HAVCR1: variants seen among roughly 807,000 people sequenced by gnomAD.
HAVCR1 encodes T cell immunoglobin domain and mucin domain protein 1.
Under a neutral mutation model 32.0 loss-of-function variants are expected in HAVCR1, and 34 were observed. That is an observed-to-expected ratio of 1.06 (90% CI 0.81 to 1.42). HAVCR1 has a LOEUF of 1.42. HAVCR1 is among the 40% of genes most tolerant of loss of function. The probability of loss-of-function intolerance (pLI) is 0.00; values close to 1 mark genes in which losing one functional copy is unlikely to be tolerated. For missense variants in HAVCR1, 420 were observed against 442.3 expected, an observed-to-expected ratio of 0.95 and a Z score of 0.45; for synonymous variants, 178 against 170.3, an observed-to-expected ratio of 1.05 and a Z score of -0.35.
At chr5:157,044,615 G>GAGAAAGAAAGAAAGAAAGAA (rs1554090477) in intron 5 of HAVCR1, among the ~76,000 whole-genome samples, 1 of 52,728 alleles carries the variant, frequency 1.9e-5, no homozygotes, top group African/African-American at 6.5e-5. Flanking sequence ...AAGAAAGAAA[G>GAGAAAGAAAGAAAGAAAGAA]AGAAAGAAAG....
chr5:157,063,498 T>A (rs1756535954), upstream of HAVCR1, among the ~76,000 whole-genome samples: 1 of 152,158 alleles, frequency 6.6e-6, no homozygotes, highest in African/African-American at 2.4e-5. Context: ...TTGGTTAGGC[T>A]GGTCACGAAC....
At chr5:157,064,351 A>G in the HAVCR1 span, among the ~76,000 whole-genome samples, 1 of 137,156 alleles carries the variant, frequency 7.3e-6, no homozygotes, top group Non-Finnish European at 1.6e-5. Flanking sequence ...AAAAAAAAAA[A>G]AAAAGAAAGA....
At chr5:157,057,414 A>G (rs1192606932) in intron 2 of HAVCR1, among the ~76,000 whole-genome samples, 1 of 135,276 alleles carries the variant, frequency 7.4e-6, no homozygotes. Flanking sequence ...AAAGAAAGAA[A>G]GAAAGAAAGA....
rs141773914 is a variant in HAVCR1, at chr5:157,055,435, T to G, written c.145A>C (p.Arg49=). 4.4e-3 allele frequency: 7,014 copies of G among 1,612,194 alleles called. 24 individuals are homozygous for G. The highest frequency in any genetic ancestry group is 5.2e-3 in the Non-Finnish European group (6,080 of 1,178,192). ...SGAVTSMCWN[R]GSCSLFTCQN... ...CATGTGAATAGAGAACATGAGCCTC[T>G]ATTCCAGCACATGGATGTGACAGCT... The change falls in exon 3 of 9, where the codon AGA becomes CGA. Residue 49 remains arginine (R), a synonymous_variant. Transcript: ENST00000523175.
At chr5:157,052,684 C>G in intron 3 of HAVCR1, 30 bp from the exon 4 acceptor site, 1 of 1,592,102 alleles carries the variant, frequency 6.3e-7, no homozygotes, top group South Asian at 1.1e-5. Context: ...TGAGAGTGAG[C>G]ATAAGTCAAA....
At chr5:157,056,583 T>C (rs951428415) in intron 2 of HAVCR1, among the ~76,000 whole-genome samples, 7 of 151,556 alleles carry the variant, frequency 4.6e-5, no homozygotes, top group Admixed American at 3.3e-4. Flanking sequence ...GGTTTCACCA[T>C]GTTAGCCAGG....
At chr5:157,064,400 T>C in the HAVCR1 span, among the ~76,000 whole-genome samples, 1 of 151,168 alleles carries the variant, frequency 6.6e-6, no homozygotes, top group East Asian at 2.0e-4. Context: ...ATGCAACTTG[T>C]AGTCCCAGCT....
chr5:157,035,448 AAC>A (rs144820972), intron 7 of HAVCR1, among the ~76,000 whole-genome samples: 3 of 151,686 alleles, frequency 2.0e-5, no homozygotes, highest in Admixed American at 6.6e-5. Context: ...TACTGAGACA[AAC>A]ACACACACAC....
chr5:157,057,795 C>T (rs1756304177), intron 2 of HAVCR1, 103 bp downstream of exon 2: 1 of 830,314 alleles, frequency 1.2e-6, no homozygotes. Context: ...AGAACATCTA[C>T]ATTAATCCAC....
chr5:157,049,701 C>T (rs1755628581), intron 4 of HAVCR1, among the ~76,000 whole-genome samples: 1 of 152,156 alleles, frequency 6.6e-6, no homozygotes, highest in Non-Finnish European at 1.5e-5. Context: ...TCCTTGAGGT[C>T]TCTTAAAGCT....
chr5:157,055,368 T>C lies in HAVCR1; in HGVS notation c.212A>G (p.Tyr71Cys). 1 of 1,613,954 alleles carries C rather than the reference T, an allele frequency of 6.2e-7. No individual in the cohort carries two copies. Among genetic ancestry groups the C allele is most frequent in the Non-Finnish European group, 8.5e-7 (1 of 1,179,824 alleles). The change falls in exon 3 of 9, where the codon TAT becomes TGT. Residue 71 changes from tyrosine to cysteine, a missense_variant. Coordinates refer to ENST00000523175, the MANE Select transcript of HAVCR1 (RefSeq NM_001173393.3). ...TAGCTTATAGCGTGTGTCCTTCCGATAGGTGACGTGGGTTCCATTGGTCCA... is the reference window on the plus strand; with the variant it reads ...TAGCTTATAGCGTGTGTCCTTCCGACAGGTGACGTGGGTTCCATTGGTCCA... ...IVWTNGTHVT[Y>C]RKDTRYKLLG...
upstream of HAVCR1, among the ~76,000 whole-genome samples, chr5:157,063,584 T>C (rs1483445952): frequency 6.6e-6 from 1 of 152,200 alleles, no homozygotes; most frequent in African/African-American, 2.4e-5. Flanking sequence ...ACTCCTGGCC[T>C]CATGTAACTA....
At chr5:157,054,585 A>G (rs1189505067) in intron 3 of HAVCR1, among the ~76,000 whole-genome samples, 2 of 152,228 alleles carry the variant, frequency 1.3e-5, no homozygotes, top group African/African-American at 4.8e-5. Flanking sequence ...ACTGTATTTT[A>G]CTATGGAACA....
intron 5 of HAVCR1, among the ~76,000 whole-genome samples, chr5:157,044,461 A>G (rs1221202283): frequency 6.5e-5 from 5 of 77,084 alleles, no homozygotes; most frequent in African/African-American, 2.9e-4. Flanking sequence ...GAAAGAAAGA[A>G]AGAAAGAAAG....
chr5:157,053,112 C>A (rs1022006743), intron 3 of HAVCR1, among the ~76,000 whole-genome samples: 1 of 152,064 alleles, frequency 6.6e-6, no homozygotes, highest in East Asian at 1.9e-4. Flanking sequence ...AGAGACTGGG[C>A]GTGGTGGCTC....
intron 6 of HAVCR1, among the ~76,000 whole-genome samples, chr5:157,042,424 A>G (rs1239277425): frequency 3.5e-5 from 5 of 143,814 alleles, no homozygotes; most frequent in African/African-American, 1.3e-4. Context: ...CCTGGGCAAC[A>G]GAGCAAGACT....
At chr5:157,035,173 A>C (rs1754452704) in intron 7 of HAVCR1, among the ~76,000 whole-genome samples, 2 of 152,164 alleles carry the variant, frequency 1.3e-5, no homozygotes, top group South Asian at 4.1e-4. Flanking sequence ...ATCTCCTAAT[A>C]ATCTATTTTT....
At chr5:157,051,732 C>T (rs533264991) in intron 4 of HAVCR1, among the ~76,000 whole-genome samples, 2 of 152,226 alleles carry the variant, frequency 1.3e-5, no homozygotes, top group South Asian at 4.2e-4. Flanking sequence ...TGGTTTTGAA[C>T]TCCTCGGCTA....
intron 6 of HAVCR1, among the ~76,000 whole-genome samples, chr5:157,041,444 G>T (rs1226114595): frequency 6.6e-6 from 1 of 151,946 alleles, no homozygotes; most frequent in Non-Finnish European, 1.5e-5. Context: ...GTTGCAGTGA[G>T]CTGGGATCCC....
Sources: allele counts gnomAD v4.1 joint callset (sites outside exome capture counted in the v4.1 genomes callset), GRCh38; gene constraint gnomAD v4.1.1; transcripts MANE v1.5; gene names NCBI Gene and HGNC (gene_info 2026-07-23, HGNC 2026-07-21).